Variants in PTPRD observed in about 807,000 individuals in gnomAD.
PTPRD encodes protein tyrosine phosphatase receptor type D.
A neutral mutation model predicts 214.5 loss-of-function variants in PTPRD; 34 were observed. The observed-to-expected ratio is 0.16, with a 90% CI of 0.12 to 0.21. PTPRD has a LOEUF of 0.21. Ranked by LOEUF, PTPRD falls within the 10% of genes least tolerant of loss-of-function variation. PTPRD has a pLI of 1.00. For synonymous variants in PTPRD, 1,128 were observed against 845.7 expected, an observed-to-expected ratio of 1.33 and a Z score of -5.79; for missense variants, 2,545 against 2,398.7, an observed-to-expected ratio of 1.06 and a Z score of -1.27.
intron 3 of PTPRD, among the ~76,000 whole-genome samples, chr9:10,146,907 T>A (rs946511755): frequency 6.6e-6 from 1 of 152,122 alleles, no homozygotes; most frequent in Non-Finnish European, 1.5e-5. Flanking sequence ...GGAAGCTCAA[T>A]AGGGACATGA....
chr9:9,675,005 T>C (rs913982399), intron 7 of PTPRD, among the ~76,000 whole-genome samples: 5 of 151,842 alleles, frequency 3.3e-5, no homozygotes, highest in Non-Finnish European at 7.4e-5. Context: ...GAATTCTAGA[T>C]AACAACTAAA....
chr9:8,435,192 A>C (rs750528576), intron 35 of PTPRD, among the ~76,000 whole-genome samples: 10 of 152,230 alleles, frequency 6.6e-5, no homozygotes, highest in Non-Finnish European at 1.5e-4. Context: ...CAGTAACTTA[A>C]AATAATGAAC....
intron 12 of PTPRD, among the ~76,000 whole-genome samples, chr9:8,664,137 T>C (rs1413880850): frequency 2.6e-5 from 4 of 152,118 alleles, no homozygotes; most frequent in African/African-American, 7.2e-5. Flanking sequence ...CTCTTCATCC[T>C]CTCCAAACTT....
At chr9:8,468,413 G>T (rs1173745764) in intron 31 of PTPRD, among the ~76,000 whole-genome samples, 1 of 151,894 alleles carries the variant, frequency 6.6e-6, no homozygotes, top group Non-Finnish European at 1.5e-5. Context: ...CTAACATTCT[G>T]GGAGTCATTC....
chr9:9,857,900 A>T (rs1201469697), intron 5 of PTPRD, among the ~76,000 whole-genome samples: 1 of 148,392 alleles, frequency 6.7e-6, no homozygotes, highest in Non-Finnish European at 1.5e-5. Context: ...TAGTTGATTA[A>T]TACTCTACTT....
At chr9:9,948,623 C>T (rs1200920254) in intron 4 of PTPRD, among the ~76,000 whole-genome samples, 1 of 151,798 alleles carries the variant, frequency 6.6e-6, no homozygotes, top group Admixed American at 6.6e-5. Flanking sequence ...CCTTTTTTCC[C>T]CAAAGGTTAA....
intron 3 of PTPRD, among the ~76,000 whole-genome samples, chr9:10,274,901 T>C (rs116742000): frequency 6.6e-6 from 1 of 152,086 alleles, no homozygotes; most frequent in Non-Finnish European, 1.5e-5. Flanking sequence ...GTGGAATAGA[T>C]GGTATGGGTG....
At chr9:9,809,012 T>C (rs1768873) in intron 5 of PTPRD, among the ~76,000 whole-genome samples, 85,273 of 150,370 alleles carry the variant, frequency 0.57, 27,181 homozygotes, top group East Asian at 0.88. Context: ...TCTCAAATTT[T>C]TAGCCTCAAC....
intron 5 of PTPRD, among the ~76,000 whole-genome samples, chr9:9,933,992 G>A (rs909425288): frequency 6.8e-6 from 1 of 147,216 alleles, no homozygotes; most frequent in Non-Finnish European, 1.5e-5. Flanking sequence ...GGTACATAAT[G>A]AAATGAAGGC....
At chr9:8,973,293 C>T (rs2099249807) in intron 11 of PTPRD, among the ~76,000 whole-genome samples, 1 of 151,926 alleles carries the variant, frequency 6.6e-6, no homozygotes, top group Non-Finnish European at 1.5e-5. Context: ...GTTTAGCTCC[C>T]ATTTATAGAC....
intron 2 of PTPRD, among the ~76,000 whole-genome samples, chr9:10,387,584 C>G (rs2097944270): frequency 6.6e-6 from 1 of 151,726 alleles, no homozygotes; most frequent in African/African-American, 2.4e-5. Flanking sequence ...CAGGTCTTCT[C>G]CTCTTGCTCA....
intron 3 of PTPRD, among the ~76,000 whole-genome samples, chr9:10,211,478 C>T (rs1398263089): frequency 6.6e-6 from 1 of 152,086 alleles, no homozygotes; most frequent in Non-Finnish European, 1.5e-5. Flanking sequence ...AGCTGTGAGG[C>T]ATAACATGAT....
rs1852681464 is a variant in PTPRD at position 8,341,745 on chromosome 9, A to G, written c.4895T>C (p.Leu1632Pro). Reference sequence around the variant, plus strand: ...ATTCTCTCCCGTTTCTATTTGTGTCAGCTTCTGAATGTAGGCATACAAGTT... The same window carrying G: ...ATTCTCTCCCGTTTCTATTTGTGTCGGCTTCTGAATGTAGGCATACAAGTT... ...ARNLYAYIQK[L>P]TQIETGENVT... Residue 1632 changes from leucine (L) to proline (P), a missense_variant, in exon 40 of 46, where the codon CTG (leucine) becomes CCG (proline). Coordinates refer to ENST00000381196, the MANE Select transcript of PTPRD (RefSeq NM_002839.4). The G allele has an allele frequency of 6.2e-7, 1 of 1,613,560 alleles. No individual in the cohort carries two copies. The highest frequency in any genetic ancestry group is 1.3e-5 in the African/African-American group (1 of 75,000).
chr9:9,811,524 G>A (rs535323546), intron 5 of PTPRD, among the ~76,000 whole-genome samples: 5 of 152,148 alleles, frequency 3.3e-5, no homozygotes, highest in East Asian at 1.9e-4. Flanking sequence ...TGGCTGACAC[G>A]GTGAAGCCCC....
chr9:8,857,530 C>T (rs1185858964), intron 11 of PTPRD: 1 of 152,262 alleles, frequency 6.6e-6, no homozygotes, highest in Non-Finnish European at 1.5e-5. Flanking sequence ...GCGAGCGTGT[C>T]GCTCTGGCTC....
At chr9:8,940,292 T>TTTTTTTTTTTTTA (rs2099024626) in intron 11 of PTPRD, among the ~76,000 whole-genome samples, 1 of 130,940 alleles carries the variant, frequency 7.6e-6, no homozygotes. Context: ...TTTTTTTTTT[T>TTTTTTTTTTTTTA]TTTTTTTTGA....
At chr9:9,819,614 G>C (rs990820324) in intron 5 of PTPRD, among the ~76,000 whole-genome samples, 2 of 152,046 alleles carry the variant, frequency 1.3e-5, no homozygotes, top group Non-Finnish European at 2.9e-5. Flanking sequence ...TATCACCCAG[G>C]TACTGAGCAT....
At chr9:9,196,190 A>G (rs1257371001) in intron 9 of PTPRD, among the ~76,000 whole-genome samples, 1 of 152,212 alleles carries the variant, frequency 6.6e-6, no homozygotes, top group Non-Finnish European at 1.5e-5. Flanking sequence ...AACTCACACG[A>G]TCCAAAACAT....
intron 9 of PTPRD, among the ~76,000 whole-genome samples, chr9:9,347,014 C>T (rs544317890): frequency 1.3e-5 from 2 of 152,030 alleles, no homozygotes; most frequent in South Asian, 4.1e-4. Context: ...CTTAACACAG[C>T]CCCTGGGGCA....
Sources: gnomAD v4.1 joint callset for allele counts (sites outside exome capture counted in the v4.1 genomes callset) on GRCh38, gnomAD v4.1.1 for gene constraint, MANE v1.5 for transcripts, NCBI Gene and HGNC (gene_info 2026-07-23, HGNC 2026-07-21) for gene names.